Variants in FGF14 observed in about 807,000 individuals in gnomAD.
The protein encoded by FGF14 is fibroblast growth factor 14, also known as fibroblast growth factor homologous factor 4.
A neutral mutation model predicts 25.5 loss-of-function variants in FGF14; 5 were observed. That is an observed-to-expected ratio of 0.20 (90% CI 0.10 to 0.41). The LOEUF is 0.41. FGF14 is among the 10% of genes least tolerant of loss of function. The pLI is 1.00. For missense variants in FGF14, 222 were observed against 320.1 expected (o/e 0.69, Z 2.34); for synonymous variants, 138 against 118.3 (o/e 1.17, Z -1.08).
chr13:102,127,133 T>C (rs775689638), intron 1 of FGF14, among the ~76,000 whole-genome samples: 54 of 152,110 alleles, frequency 3.6e-4, no homozygotes, highest in Non-Finnish European at 6.2e-4. Flanking sequence ...TAAAAGATAA[T>C]ATTGTGATCA....
intron 1 of FGF14, among the ~76,000 whole-genome samples, chr13:102,296,909 AGT>A (rs1178838311): frequency 1.3e-5 from 2 of 152,310 alleles, no homozygotes; most frequent in Admixed American, 6.5e-5. Flanking sequence ...TTTCCATTTT[AGT>A]GTAGTAAATC....
chr13:102,070,145 T>G (rs1465930609), intron 1 of FGF14, among the ~76,000 whole-genome samples: 1 of 152,220 alleles, frequency 6.6e-6, no homozygotes, highest in Non-Finnish European at 1.5e-5. Flanking sequence ...TACAAAGGAT[T>G]AACCAGAAGA....
rs2039574586 is a variant in FGF14, at chr13:102,002,866, A to G, written c.209-127570T>C. 2.0e-5 allele frequency: 3 copies of G among 152,290 alleles called. No homozygotes were observed. The South Asian group carries it at 6.2e-4, about 32-fold the overall frequency. The allele number at this position is 152,290 out of a possible 1,614,324, so 9.4% of individuals were successfully genotyped here. ...ATCATCAAATTGATAATCACATTAA[A>G]TTAATAAACCCAACAGATGATATGG... On this transcript the variant is annotated intron_variant, in intron 1 of 4. Coordinates refer to the FGF14 transcript ENST00000376131.
At chr13:101,897,934 G>A (rs1007997351) in intron 1 of FGF14, among the ~76,000 whole-genome samples, 4 of 151,906 alleles carry the variant, frequency 2.6e-5, no homozygotes, top group Admixed American at 2.6e-4. Context: ...TTACTCTGTT[G>A]CCCAGGCTGG....
intron 3 of FGF14, among the ~76,000 whole-genome samples, chr13:101,760,991 A>C (rs7140089): frequency 0.42 from 63,564 of 152,016 alleles, 14,787 homozygotes; most frequent in Non-Finnish European, 0.52. Context: ...TCACCTAAAT[A>C]CCCTATTAAA....
chr13:102,287,619 C>G (rs1177247538), intron 1 of FGF14, among the ~76,000 whole-genome samples: 1 of 152,138 alleles, frequency 6.6e-6, no homozygotes, highest in Non-Finnish European at 1.5e-5. Context: ...ATTTCTAATA[C>G]TGAATGTTTA....
intron 3 of FGF14, among the ~76,000 whole-genome samples, chr13:101,803,540 TG>T (rs1213643207): frequency 6.6e-6 from 1 of 151,958 alleles, no homozygotes; most frequent in Non-Finnish European, 1.5e-5. Context: ...TTGGCAATAT[TG>T]TTTTTTTGTA....
rs568601639 is a variant in FGF14 at position 101,711,611 on chromosome 13, G to T, written c.*11220C>A. 6.6e-6 allele frequency: 1 copy of T among 152,344 alleles called. No homozygotes were observed. The highest frequency in any genetic ancestry group is 2.4e-5 in the African/African-American group (1 of 41,594). 9.4% of individuals were successfully genotyped at this position (152,344 alleles called of 1,614,324 possible). On this transcript the variant is annotated 3_prime_UTR_variant, in exon 5 of 5. Coordinates refer to ENST00000376143, the MANE Select transcript of FGF14 (RefSeq NM_004115.4). The stretch of plus-strand genomic sequence containing the variant: ...GGATTGAATCAGAGTGAAGTCTTCA[G>T]TTAACTGTTTGTTTATTGCCTGTGA...
At chr13:102,387,195 C>A (rs1186146845) in intron 1 of FGF14, among the ~76,000 whole-genome samples, 1 of 152,202 alleles carries the variant, frequency 6.6e-6, no homozygotes. Flanking sequence ...CTCATTTTCA[C>A]AAAAGTTACC....
Position 101,916,728 on chromosome 13 carries a change from G to T in FGF14, c.-83C>A. On this transcript the variant is annotated 5_prime_UTR_variant, in exon 1 of 5. In the 5' UTR this introduces an upstream ATG that the reference lacks. Transcript: ENST00000376143. ...CACCGGAGGGGAAGGCGGCGGCGCA[G>T]ACCGTGGCTCGCCCTCGGGGCAGAG... is the stretch of plus-strand genomic sequence containing the variant. 3.1e-6 allele frequency: 4 copies of T among 1,272,452 alleles called. No homozygotes were observed. The highest frequency in any genetic ancestry group is 3.1e-5 in the South Asian group (2 of 64,216). The allele number at this position is 1,272,452 out of a possible 1,614,324, so 78.8% of individuals were successfully genotyped here.
chr13:102,263,294 C>T (rs924979256), intron 1 of FGF14: 3 of 291,602 alleles, frequency 1.0e-5, no homozygotes, highest in South Asian at 3.9e-5. Flanking sequence ...TTTCTTTGAG[C>T]TTTAGTAAGG....
Position 101,717,604 on chromosome 13 carries a change from C to T in FGF14, c.*5227G>A, listed in dbSNP as rs964424864. 1 of 152,092 alleles carries T rather than the reference C, an allele frequency of 6.6e-6. No individual in the cohort carries two copies. The highest frequency in any genetic ancestry group is 2.4e-5 in the African/African-American group (1 of 41,416). 9.4% of individuals were successfully genotyped at this position (152,092 alleles called of 1,614,324 possible). A position where few individuals can be genotyped will look rare whatever the true frequency, so the allele number is the denominator to read the frequency against. The stretch of plus-strand genomic sequence containing the variant: ...GGATTTCTCTATCACGGCGCTTATC[C>T]TCCTATTAAGGATCAGAAAGTTAAA... On this transcript the variant is annotated 3_prime_UTR_variant, in exon 5 of 5. Coordinates refer to ENST00000376143, the MANE Select transcript of FGF14 (RefSeq NM_004115.4).
intron 1 of FGF14, among the ~76,000 whole-genome samples, chr13:101,910,265 A>G (rs918560406): frequency 1.3e-5 from 2 of 152,150 alleles, no homozygotes; most frequent in African/African-American, 4.8e-5. Flanking sequence ...AATAAAAAGT[A>G]AATCAGACCA....
chr13:102,142,597 C>T (rs1201424549), intron 1 of FGF14, among the ~76,000 whole-genome samples: 1 of 152,070 alleles, frequency 6.6e-6, no homozygotes, highest in Non-Finnish European at 1.5e-5. Context: ...AAAGCCAAAA[C>T]AAAGTTCAAA....
intron 1 of FGF14, among the ~76,000 whole-genome samples, chr13:102,362,585 A>C (rs2057597472): frequency 6.6e-6 from 1 of 152,194 alleles, no homozygotes; most frequent in Admixed American, 6.5e-5. Context: ...GGGGTAAGTT[A>C]ATCTTGCCTG....
Position 101,721,706 on chromosome 13 carries a change from C to CAACA in FGF14, c.*1121_*1124dup, listed in dbSNP as rs1324807913. 2.0e-5 allele frequency: 3 copies of CAACA among 152,080 alleles called. No homozygotes were observed. Among genetic ancestry groups the CAACA allele is most frequent in the Non-Finnish European group, 4.4e-5 (3 of 68,006 alleles). 9.4% of individuals were successfully genotyped at this position (152,080 alleles called of 1,614,324 possible). ...TGCATTGCTGCTGCAGGAAAGAACA[C>CAACA]AACAGCCGTCTTGCCCATGCTCTGC... On this transcript the variant is annotated 3_prime_UTR_variant, in exon 5 of 5. Coordinates refer to ENST00000376143, the MANE Select transcript of FGF14 (RefSeq NM_004115.4).
chr13:102,107,705 T>C (rs1449499439), intron 1 of FGF14, among the ~76,000 whole-genome samples: 1 of 152,110 alleles, frequency 6.6e-6, no homozygotes. Flanking sequence ...GTAACTGGCA[T>C]TGGAAAATTT....
chr13:102,128,028 T>C (rs982122844), intron 1 of FGF14, among the ~76,000 whole-genome samples: 1 of 151,992 alleles, frequency 6.6e-6, no homozygotes, highest in Admixed American at 6.6e-5. Context: ...TTCTGAACAC[T>C]GCCTGCCCCA....
At chr13:102,010,811 G>C (rs2040038565) in intron 1 of FGF14, among the ~76,000 whole-genome samples, 1 of 152,168 alleles carries the variant, frequency 6.6e-6, no homozygotes, top group African/African-American at 2.4e-5. Context: ...GTGAAAGATA[G>C]GAAACAATGG....
Sources: gnomAD v4.1 joint callset for allele counts (sites outside exome capture counted in the v4.1 genomes callset) on GRCh38, gnomAD v4.1.1 for gene constraint, MANE v1.5 for transcripts, NCBI Gene and HGNC (gene_info 2026-07-23, HGNC 2026-07-21) for gene names.